Variants in TRPM8 observed in about 807,000 individuals in gnomAD.
The protein encoded by TRPM8 is TRPM8 cationic channel.
A neutral mutation model predicts 133.7 loss-of-function variants in TRPM8; 110 were observed. The observed-to-expected ratio is 0.82, with a 90% CI of 0.70 to 0.96. The LOEUF (loss-of-function observed/expected upper bound fraction) is 0.96, where lower values mean the gene tolerates loss of function less well. TRPM8 is among the 40% of genes least tolerant of loss of function. The pLI is 0.00. For synonymous variants in TRPM8, 535 were observed against 532.3 expected, an observed-to-expected ratio of 1.01 and a Z score of -0.07; for missense variants, 1,291 against 1,379.5, an observed-to-expected ratio of 0.94 and a Z score of 1.02.
rs201253609 is a variant in TRPM8 at position 233,983,099 on chromosome 2, T to C, written c.2636T>C (p.Val879Ala). 1.2e-6 allele frequency: 2 copies of C among 1,614,162 alleles called. No individual in the cohort carries two copies. Among genetic ancestry groups the C allele is most frequent in the Non-Finnish European group, 1.7e-6 (2 of 1,180,010 alleles). ...CTGTTCCTCTTTGCGGTGTGGATGG[T>C]GGCCTTTGGCGTGGCCAGGCAAGGG... ...FFLFLFAVWM[V>A]AFGVARQGIL... Residue 879 changes from valine to alanine, a missense_variant, in exon 20 of 26, where the codon GTG becomes GCG. Val to Ala is a moderately conservative substitution (Grantham distance 64). Coordinates refer to ENST00000324695, the MANE Select transcript of TRPM8 (RefSeq NM_024080.5).
At chr2:234,016,040 A>T (rs1362938009) in intron 25 of TRPM8, among the ~76,000 whole-genome samples, 1 of 152,208 alleles carries the variant, frequency 6.6e-6, no homozygotes, top group Non-Finnish European at 1.5e-5. Context: ...CTCATCTCTC[A>T]TTCTTTCTCA....
At chr2:233,973,721 C>G (rs1219343774) in intron 17 of TRPM8, among the ~76,000 whole-genome samples, 1 of 152,224 alleles carries the variant, frequency 6.6e-6, no homozygotes, top group African/African-American at 2.4e-5. Context: ...TACTTCCTAG[C>G]TCTGTGTTGT....
At chr2:233,982,910 A>G in intron 19 of TRPM8, 143 bp from the exon 20 acceptor site, 1 of 815,830 alleles carries the variant, frequency 1.2e-6, no homozygotes. Flanking sequence ...TTTGTCAATT[A>G]GTCAGTGAAC....
intron 9 of TRPM8, chr2:233,953,648 A>G (rs1055739906): frequency 2.7e-5 from 7 of 256,454 alleles, no homozygotes; most frequent in Non-Finnish European, 5.2e-5. Context: ...TTTGTGACAC[A>G]CACACACACA....
intron 3 of TRPM8, 107 bp downstream of exon 3, chr2:233,930,848 T>C (rs1691666603): frequency 8.5e-6 from 6 of 702,816 alleles, no homozygotes; most frequent in South Asian, 7.9e-5. Flanking sequence ...GATGTCTTCG[T>C]CTTATAATTC....
chr2:233,999,576 C>T (rs956128158), intron 22 of TRPM8, among the ~76,000 whole-genome samples: 11 of 151,544 alleles, frequency 7.3e-5, no homozygotes, highest in Admixed American at 6.5e-4. Flanking sequence ...GAGCTGAATG[C>T]GCCGGTCCTC....
At chr2:233,919,175 A>G (rs924824482) in intron 1 of TRPM8, among the ~76,000 whole-genome samples, 2 of 151,954 alleles carry the variant, frequency 1.3e-5, no homozygotes, top group African/African-American at 4.8e-5. Flanking sequence ...GCCTTTTTTT[A>G]TTAGGATAAT....
At chr2:233,996,951 A>G (rs1377210274) in intron 22 of TRPM8, among the ~76,000 whole-genome samples, 1 of 152,202 alleles carries the variant, frequency 6.6e-6, no homozygotes, top group African/African-American at 2.4e-5. Flanking sequence ...TATTTGAGAA[A>G]ACATCATCTC....
chr2:233,926,413 T>C (rs1691516333), intron 1 of TRPM8, 120 bp from the exon 2 acceptor site: 1 of 751,014 alleles, frequency 1.3e-6, no homozygotes, highest in Admixed American at 1.9e-5. Context: ...GAATGGAGCA[T>C]GGGACATTGC....
intron 3 of TRPM8, among the ~76,000 whole-genome samples, chr2:233,932,189 G>A (rs1294661925): frequency 2.6e-5 from 4 of 152,236 alleles, no homozygotes; most frequent in Admixed American, 2.0e-4. Context: ...AGCACAGCCA[G>A]ATCCAGGGCT....
In TRPM8 at chr2:233,947,138, G is replaced by A. The variant is rs759593676; in HGVS notation, c.925G>A (p.Gly309Arg). ...CATTGTGTGTTTTGCCCAAGGAGGT[G>A]GAAAAGAGACTTTGAAAGTGAGTCC... ...IPIVCFAQGGGKETLKAINTS... is the reference protein window; with the variant it reads ...IPIVCFAQGGRKETLKAINTS... Residue 309 changes from glycine (G) to arginine (R), a missense_variant, in exon 8 of 26, where the codon GGA (glycine) becomes AGA (arginine). This residue lies in a region of TRPM8 where 963 missense variants were observed against 968.9 expected (regional missense o/e 0.99). Coordinates refer to ENST00000324695, the MANE Select transcript of TRPM8 (RefSeq NM_024080.5). 1 of 1,614,054 alleles carries A rather than the reference G, an allele frequency of 6.2e-7. No individual in the cohort carries two copies. Among genetic ancestry groups the A allele is most frequent in the Non-Finnish European group, 8.5e-7 (1 of 1,179,936 alleles).
intron 17 of TRPM8, among the ~76,000 whole-genome samples, chr2:233,976,148 C>T (rs1007574417): frequency 1.3e-5 from 2 of 152,184 alleles, no homozygotes; most frequent in Admixed American, 6.5e-5. Context: ...ATCTCTTCCC[C>T]TATGGAGCAT....
chr2:233,926,616 A>G lies in TRPM8; in HGVS notation c.79A>G (p.Ser27Gly). 1 of 1,614,192 alleles carries G rather than the reference A, an allele frequency of 6.2e-7. No individual in the cohort carries two copies. The highest frequency in any genetic ancestry group is 1.3e-5 in the African/African-American group (1 of 75,060). The change falls in exon 2 of 26, where the codon AGC (serine) becomes GGC (glycine). Residue 27 changes from serine to glycine, a missense_variant. Ser to Gly is a moderately conservative substitution (Grantham distance 56, BLOSUM62 0). This residue lies in a region of TRPM8 where 963 missense variants were observed against 968.9 expected (regional missense o/e 0.99). Coordinates refer to ENST00000324695, the MANE Select transcript of TRPM8 (RefSeq NM_024080.5). ...GGACAGCACCCGGACCCTGTACTCC[A>G]GCGCGTCTCGGAGCACAGACTTGTC... The part of the protein sequence containing the change: ...TLDSTRTLYS[S>G]ASRSTDLSYS...
Position 233,985,683 on chromosome 2 carries a change from C to T in TRPM8, c.2762-5C>T. 6.2e-7 allele frequency: 1 copy of T among 1,612,882 alleles called. No individual in the cohort carries two copies. Among genetic ancestry groups the T allele is most frequent in the South Asian group, 1.1e-5 (1 of 91,048 alleles). On this transcript the variant is annotated splice_polypyrimidine_tract_variant and splice_region_variant and intron_variant, in intron 20 of 25. Coordinates refer to ENST00000324695, the MANE Select transcript of TRPM8 (RefSeq NM_024080.5). ...CACTTTGCCTGTTGGTTTCTACATCCTCAGGTACCACGTATGACTTTGCCC... is the reference window on the plus strand; with the variant it reads ...CACTTTGCCTGTTGGTTTCTACATCTTCAGGTACCACGTATGACTTTGCCC...
chr2:233,941,655 C>G (rs1266088722), intron 5 of TRPM8, among the ~76,000 whole-genome samples: 2 of 152,150 alleles, frequency 1.3e-5, no homozygotes, highest in Non-Finnish European at 2.9e-5. Flanking sequence ...CAACATATTA[C>G]ACTAGGGTCA....
In TRPM8 at chr2:233,950,048, G is replaced by A. The variant is rs201855344; in HGVS notation, c.1042G>A (p.Ala348Thr). 1 of 1,614,166 alleles carries A rather than the reference G, an allele frequency of 6.2e-7. No homozygotes were observed. The change falls in exon 9 of 26, where the codon GCC becomes ACC. Residue 348 changes from alanine to threonine, a missense_variant. This residue lies in a region of TRPM8 where 963 missense variants were observed against 968.9 expected (regional missense o/e 0.99). Transcript: ENST00000324695. ...CGCTAGCCTGGTGGAGGTGGAGGAT[G>A]CCCTGACATCTTCTGCCGTCAAGGA... is the stretch of plus-strand genomic sequence containing the variant. ...VIASLVEVED[A>T]LTSSAVKEKL...
intron 8 of TRPM8, among the ~76,000 whole-genome samples, chr2:233,949,712 TG>T (rs1691127851): frequency 6.6e-6 from 1 of 152,270 alleles, no homozygotes; most frequent in Admixed American, 6.5e-5. Flanking sequence ...CTAGTCATAA[TG>T]TGTTCTTATT....
At chr2:233,976,988 T>G (rs190547605) in intron 17 of TRPM8, among the ~76,000 whole-genome samples, 1 of 152,200 alleles carries the variant, frequency 6.6e-6, no homozygotes, top group East Asian at 1.9e-4. Context: ...TTACACTTGT[T>G]AGGGGAAAAA....
At position 233,927,791 on chromosome 2, in the gene TRPM8, T is replaced by C. The variant is rs7567904; in HGVS notation, c.117+1137T>C. Among the ~76,000 whole-genome samples the C allele has an allele frequency of 9.4e-3, 279 of 29,570 alleles. 11 individuals are homozygous for C. The highest frequency in any genetic ancestry group is 0.042 in the African/African-American group (80 of 1,912). The allele number at this position is 29,570 out of a possible 152,430, so 19.4% of individuals were successfully genotyped here. ...CTTTCTTTCTTTCTTTCTTTCTTTC[T>C]TTTCTTTCCTTCCTTCCTTCCTTCC... On this transcript the variant is annotated intron_variant, in intron 2 of 25. Transcript: ENST00000324695.
Sources: allele counts gnomAD v4.1 joint callset (sites outside exome capture counted in the v4.1 genomes callset), GRCh38; gene constraint gnomAD v4.1.1; regional missense constraint gnomAD v4.1.1; transcripts MANE v1.5; gene names NCBI Gene and HGNC (gene_info 2026-07-23, HGNC 2026-07-21).